Variants in B4GALNT2 observed in about 807,000 individuals in gnomAD.
The protein encoded by B4GALNT2 is beta-1,4-N-acetyl-galactosaminyltransferase 2 (SID blood group).
A neutral mutation model predicts 51.1 loss-of-function variants in B4GALNT2; 42 were observed. That is an observed-to-expected ratio of 0.82 (90% CI 0.64 to 1.06). B4GALNT2 has a LOEUF of 1.06. Ranked by LOEUF, B4GALNT2 falls within the 50% of genes least tolerant of loss-of-function variation. The pLI, the probability that B4GALNT2 is intolerant of heterozygous loss-of-function variation, is 0.00. For missense variants in B4GALNT2, 602 were observed against 633.6 expected (o/e 0.95, Z 0.54); for synonymous variants, 253 against 251.7 (o/e 1.01, Z -0.05).
chr17:49,132,288 G>A (rs1268778433), upstream of B4GALNT2, among the ~76,000 whole-genome samples: 1 of 152,154 alleles, frequency 6.6e-6, no homozygotes, highest in Non-Finnish European at 1.5e-5. Flanking sequence ...GCACACAGGC[G>A]TTATGTGGCC....
At chr17:49,163,375 TG>T (rs2042881333) in intron 7 of B4GALNT2, among the ~76,000 whole-genome samples, 2 of 152,112 alleles carry the variant, frequency 1.3e-5, no homozygotes, top group Non-Finnish European at 2.9e-5. Flanking sequence ...TCTCAAGATT[TG>T]TAGATATTTT....
rs530802842 is a variant in B4GALNT2 at position 49,158,943 on chromosome 17, C to T, written c.499-94C>T. On this transcript the variant is annotated intron_variant, in intron 5 of 10. Coordinates refer to ENST00000393354, the MANE Select transcript of B4GALNT2 (RefSeq NM_001159387.2). Reference sequence around the variant, plus strand: ...GCTTCTCCCCTCACCCTTATGTGCTCTGCCCTGGCTCCTGGCCTGGGTATG... The same window carrying T: ...GCTTCTCCCCTCACCCTTATGTGCTTTGCCCTGGCTCCTGGCCTGGGTATG... 61 of 1,415,392 alleles carry T rather than the reference C, an allele frequency of 4.3e-5. No individual in the cohort carries two copies. In the Admixed American group the frequency reaches 9.6e-4, roughly 22 times the overall value. The allele number at this position is 1,415,392 out of a possible 1,614,324, so 87.7% of individuals were successfully genotyped here.
At position 49,168,820 on chromosome 17, in the gene B4GALNT2, T is replaced by C. The variant is rs199835858; in HGVS notation, c.1235T>C (p.Val412Ala). 30 of 1,613,880 alleles carry C rather than the reference T, an allele frequency of 1.9e-5. No individual in the cohort carries two copies. In the Middle Eastern group the frequency reaches 1.2e-3, roughly 64 times the overall value. ...CCCAGCTGCGTGGTGACCAGTGGCG[T>C]GGTCAACTTCTTCCTGGCCCACACG... ...GFPSCVVTSG[V>A]VNFFLAHTER... The change falls in exon 10 of 11, where the codon GTG becomes GCG. Residue 412 changes from valine to alanine, a missense_variant. Transcript: ENST00000393354.
intron 1 of B4GALNT2, among the ~76,000 whole-genome samples, chr17:49,134,671 T>C (rs777412119): frequency 1.2e-4 from 18 of 152,200 alleles, no homozygotes; most frequent in Non-Finnish European, 2.5e-4. Context: ...CACTGCAACC[T>C]CCACCTCCAT....
At position 49,141,268 on chromosome 17, in the gene B4GALNT2, C is replaced by G; in HGVS notation, c.36C>G (p.Leu12=). ...TSGGSRFLWL[L]KILVIILVLG... The stretch of plus-strand genomic sequence containing the variant: ...ACAGCTCGAGATTTCTGTGGCTCCT[C>G]AAGATATTGGTCATAATCCTGGTAC... Residue 12 remains leucine, a synonymous_variant, in exon 2 of 11, where the codon CTC becomes CTG. Transcript: ENST00000393354. 6.2e-7 allele frequency: 1 copy of G among 1,613,998 alleles called. No individual in the cohort carries two copies. Among genetic ancestry groups the G allele is most frequent in the Non-Finnish European group, 8.5e-7 (1 of 1,179,946 alleles).
At chr17:49,133,860 C>A (rs563806457) in intron 1 of B4GALNT2, among the ~76,000 whole-genome samples, 1 of 152,038 alleles carries the variant, frequency 6.6e-6, no homozygotes. Flanking sequence ...TGCAGTGAGC[C>A]GAGATTGCTC....
rs553958874 is a variant in B4GALNT2, at chr17:49,175,365, C to G, written c.*5637C>G. Reference sequence around the variant, plus strand: ...CGGCACAATCAGAAGTTGTGCTATACGCTTTCCTGGCTCTGCTTTCCAAGG... The same window carrying G: ...CGGCACAATCAGAAGTTGTGCTATAGGCTTTCCTGGCTCTGCTTTCCAAGG... On this transcript the variant is annotated 3_prime_UTR_variant, in exon 11 of 11. Transcript: ENST00000393354. 6.6e-6 allele frequency: 1 copy of G among 152,170 alleles called. No individual in the cohort carries two copies. Among genetic ancestry groups the G allele is most frequent in the African/African-American group, 2.4e-5 (1 of 41,446 alleles). 9.4% of individuals were successfully genotyped at this position (152,170 alleles called of 1,614,324 possible).
chr17:49,154,945 A>T (rs2042794115), intron 4 of B4GALNT2, among the ~76,000 whole-genome samples: 1 of 152,150 alleles, frequency 6.6e-6, no homozygotes, highest in Non-Finnish European at 1.5e-5. Context: ...GGGGTCAAGC[A>T]CTAGTGTTCT....
chr17:49,138,445 G>T (rs1324357431), intron 1 of B4GALNT2, among the ~76,000 whole-genome samples: 1 of 152,220 alleles, frequency 6.6e-6, no homozygotes, highest in East Asian at 1.9e-4. Context: ...TTTCTGACTT[G>T]TTGGCTTATA....
intron 1 of B4GALNT2, among the ~76,000 whole-genome samples, chr17:49,138,899 A>G (rs1007834576): frequency 2.6e-5 from 4 of 152,148 alleles, no homozygotes; most frequent in African/African-American, 9.7e-5. Flanking sequence ...ACAAACAACA[A>G]CAAAAGAAAA....
At chr17:49,155,819 G>T (rs1289032968) in intron 4 of B4GALNT2, among the ~76,000 whole-genome samples, 1 of 151,664 alleles carries the variant, frequency 6.6e-6, no homozygotes, top group African/African-American at 2.4e-5. Context: ...CGCCTCCCGG[G>T]TTCACGCCAT....
chr17:49,167,782 G>T (rs1681802298), intron 9 of B4GALNT2, among the ~76,000 whole-genome samples: 1 of 151,866 alleles, frequency 6.6e-6, no homozygotes, highest in African/African-American at 2.4e-5. Context: ...GCTGATTTTT[G>T]TATTTTTAGT....
intron 4 of B4GALNT2, among the ~76,000 whole-genome samples, chr17:49,153,576 G>T (rs550783115): frequency 6.6e-6 from 1 of 151,492 alleles, no homozygotes; most frequent in African/African-American, 2.4e-5. Flanking sequence ...GCATGATCTC[G>T]GGTCACTGCA....
At chr17:49,155,297 CAAAAAAAAAAAAAA>C (rs34869721) in intron 4 of B4GALNT2, among the ~76,000 whole-genome samples, 1 of 54,166 alleles carries the variant, frequency 1.8e-5, no homozygotes, top group African/African-American at 7.6e-5. Context: ...GATTCAGTCT[CAAAAAAAAAAAAAA>C]AAAAAAAAAG....
intron 3 of B4GALNT2, among the ~76,000 whole-genome samples, chr17:49,152,025 G>A (rs1204593955): frequency 6.6e-6 from 1 of 152,016 alleles, no homozygotes; most frequent in Non-Finnish European, 1.5e-5. Context: ...AGCTGGGTGG[G>A]CCCCTACCGT....
At chr17:49,156,696 C>T (rs2042814103) in intron 5 of B4GALNT2, 93 bp downstream of exon 5, 1 of 1,416,068 alleles carries the variant, frequency 7.1e-7, no homozygotes, top group African/African-American at 1.4e-5. Context: ...AGCCCCTGTC[C>T]AGATTCAAGG....
the B4GALNT2 span, among the ~76,000 whole-genome samples, chr17:49,125,348 C>CG: frequency 6.6e-6 from 1 of 151,988 alleles, no homozygotes; most frequent in Non-Finnish European, 1.5e-5. Flanking sequence ...TTAATAGAGA[C>CG]GGGGTTTCAC....
At chr17:49,132,659 G>A (rs2042549916), upstream of B4GALNT2, 4 of 1,107,250 alleles carry the variant, frequency 3.6e-6, no homozygotes, top group African/African-American at 1.6e-5. Context: ...AGAGAAGGGC[G>A]GGGGCCGTCC....
intron 4 of B4GALNT2, among the ~76,000 whole-genome samples, chr17:49,153,473 T>C (rs559611027): frequency 6.6e-6 from 1 of 151,936 alleles, no homozygotes; most frequent in African/African-American, 2.4e-5. Flanking sequence ...TGGTACCTGC[T>C]GTGTACTCAG....
Sources: gnomAD v4.1 joint callset for allele counts (sites outside exome capture counted in the v4.1 genomes callset) on GRCh38, gnomAD v4.1.1 for gene constraint, MANE v1.5 for transcripts, NCBI Gene and HGNC (gene_info 2026-07-23, HGNC 2026-07-21) for gene names.